Variants in SEZ6L observed in about 807,000 individuals in gnomAD.
The protein encoded by SEZ6L is seizure related 6 homolog like, also known as seizure 6-like protein.
Under a neutral mutation model 106.2 loss-of-function variants are expected in SEZ6L, and 37 were observed. That is an observed-to-expected ratio of 0.35 (90% CI 0.27 to 0.46). The LOEUF (loss-of-function observed/expected upper bound fraction) is 0.46, where lower values mean the gene tolerates loss of function less well. Among genes scored for constraint, SEZ6L ranks in the 20% least tolerant of loss-of-function variants. The pLI is 1.00. For synonymous variants in SEZ6L, 541 were observed against 570.4 expected (o/e 0.95, Z 0.73); for missense variants, 1,172 against 1,332.8 (o/e 0.88, Z 1.88).
intron 1 of SEZ6L, among the ~76,000 whole-genome samples, chr22:26,241,031 C>A (rs746460332): frequency 1.3e-5 from 2 of 152,182 alleles, no homozygotes; most frequent in Admixed American, 6.5e-5. Context: ...GAGAGACATG[C>A]AGACACTCTA....
intron 1 of SEZ6L, among the ~76,000 whole-genome samples, chr22:26,213,781 T>C (rs537131111): frequency 2.0e-5 from 3 of 152,242 alleles, no homozygotes; most frequent in African/African-American, 7.2e-5. Flanking sequence ...ATTAGCTGGG[T>C]GTAGTGCCGT....
chr22:26,209,494 G>GC (rs1287741558), intron 1 of SEZ6L, among the ~76,000 whole-genome samples: 20 of 151,690 alleles, frequency 1.3e-4, no homozygotes, highest in Admixed American at 1.1e-3. Flanking sequence ...TGGATGGATG[G>GC]ATGGATGGCA....
At chr22:26,312,535 G>T (rs1361250121) in intron 8 of SEZ6L, among the ~76,000 whole-genome samples, 1 of 147,008 alleles carries the variant, frequency 6.8e-6, no homozygotes, top group Non-Finnish European at 1.5e-5. Flanking sequence ...ACTGTGCTCT[G>T]AGCCCCACTG....
intron 1 of SEZ6L, among the ~76,000 whole-genome samples, chr22:26,275,199 T>A (rs2080504131): frequency 6.6e-6 from 1 of 152,266 alleles, no homozygotes; most frequent in African/African-American, 2.4e-5. Context: ...GACTTTTTTT[T>A]ATTTTGAATT....
At chr22:26,231,922 T>C (rs2078809422) in intron 1 of SEZ6L, among the ~76,000 whole-genome samples, 2 of 152,256 alleles carry the variant, frequency 1.3e-5, no homozygotes, top group African/African-American at 4.8e-5. Context: ...CAGTTTGTCA[T>C]CCTGTGACAT....
At chr22:26,284,335 G>A (rs950126551) in intron 1 of SEZ6L, among the ~76,000 whole-genome samples, 13 of 152,222 alleles carry the variant, frequency 8.5e-5, no homozygotes, top group African/African-American at 2.4e-4. Flanking sequence ...GGCCGGGTGC[G>A]GTGGCTCATG....
At chr22:26,273,077 T>A (rs77104351) in intron 1 of SEZ6L, among the ~76,000 whole-genome samples, 2,336 of 152,362 alleles carry the variant, frequency 0.015, 63 homozygotes, top group African/African-American at 0.046. Flanking sequence ...ATCATGTGAA[T>A]GAAGTTGTAG....
At chr22:26,325,813 G>A (rs1256347789) in intron 9 of SEZ6L, among the ~76,000 whole-genome samples, 1 of 152,066 alleles carries the variant, frequency 6.6e-6, no homozygotes, top group Non-Finnish European at 1.5e-5. Context: ...CTTGGCAAGG[G>A]CTTAGTACAT....
chr22:26,208,178 G>A (rs188652735), intron 1 of SEZ6L, among the ~76,000 whole-genome samples: 1 of 152,178 alleles, frequency 6.6e-6, no homozygotes, highest in East Asian at 1.9e-4. Context: ...GCCTCCCAAA[G>A]TGCTGGGATT....
chr22:26,244,455 GA>G, intron 1 of SEZ6L: 1 of 152,396 alleles, frequency 6.6e-6, no homozygotes, highest in Non-Finnish European at 1.5e-5. Context: ...CAAGGAGAGA[GA>G]AAGGTGCTCT....
intron 1 of SEZ6L, among the ~76,000 whole-genome samples, chr22:26,252,142 A>C (rs990450391): frequency 1.3e-5 from 2 of 152,198 alleles, no homozygotes; most frequent in African/African-American, 2.4e-5. Context: ...GTCAGAGTCT[A>C]CATTTTAACA....
chr22:26,328,220 T>A (rs1394996337), intron 9 of SEZ6L, among the ~76,000 whole-genome samples: 1 of 152,184 alleles, frequency 6.6e-6, no homozygotes, highest in Non-Finnish European at 1.5e-5. Flanking sequence ...GGTGGCAGCA[T>A]AAGTGCCCTT....
intron 9 of SEZ6L, among the ~76,000 whole-genome samples, chr22:26,324,355 A>G (rs890748011): frequency 6.6e-6 from 1 of 152,180 alleles, no homozygotes; most frequent in African/African-American, 2.4e-5. Flanking sequence ...CTAACCAGGA[A>G]ATAAAAGGGC....
rs117994988 is a variant in SEZ6L at position 26,319,503 on chromosome 22, G to A, written c.2015+5601G>A. 4.7e-3 allele frequency among the ~76,000 whole-genome samples: 723 copies of A among 152,298 alleles called. 13 individuals are homozygous for A. The East Asian group carries it at 0.059, about 12-fold the overall frequency. The stretch of plus-strand genomic sequence containing the variant: ...GCTTTATTCCTCTCTTCTCCTTTCT[G>A]TATGGTACATTTGACCATATTAGCC... On this transcript the variant is annotated intron_variant, in intron 9 of 16. Coordinates refer to ENST00000248933, the MANE Select transcript of SEZ6L (RefSeq NM_021115.5).
At chr22:26,276,858 C>T (rs533015917) in intron 1 of SEZ6L, among the ~76,000 whole-genome samples, 103 of 152,312 alleles carry the variant, frequency 6.8e-4, no homozygotes, top group Non-Finnish European at 9.8e-4. Flanking sequence ...ATGTCAGCCA[C>T]AGTTAATCAG....
chr22:26,259,869 GA>G (rs1357677485), intron 1 of SEZ6L, among the ~76,000 whole-genome samples: 1 of 152,040 alleles, frequency 6.6e-6, no homozygotes, highest in Non-Finnish European at 1.5e-5. Flanking sequence ...TGCTATTAAA[GA>G]AAAAAATTGA....
chr22:26,321,106 T>C (rs1192909214), intron 9 of SEZ6L, among the ~76,000 whole-genome samples: 2 of 152,192 alleles, frequency 1.3e-5, no homozygotes, highest in African/African-American at 4.8e-5. Flanking sequence ...TTCTTAATTG[T>C]CCATGATATT....
chr22:26,338,039 C>T lies in SEZ6L; in HGVS notation c.2016-2397C>T, dbSNP rs1392252279. Among the ~76,000 whole-genome samples, 4 of 152,218 alleles carry T rather than the reference C, an allele frequency of 2.6e-5. 1 individual carries two copies. The highest frequency in any genetic ancestry group is 2.6e-4 in the Admixed American group (4 of 15,292). ...TCCCAACTCCCGGACTAGCAGCAAACACCACTGTTGGCCATTGGATGAAGC... is the reference window on the plus strand; with the variant it reads ...TCCCAACTCCCGGACTAGCAGCAAATACCACTGTTGGCCATTGGATGAAGC... On this transcript the variant is annotated intron_variant, in intron 9 of 16. Transcript: ENST00000248933.
At position 26,186,824 on chromosome 22, in the gene SEZ6L, G is replaced by A. The variant is rs368213649; in HGVS notation, c.94+17061G>A. Among the ~76,000 whole-genome samples the A allele has an allele frequency of 1.1e-4, 16 of 152,186 alleles. 1 individual carries two copies. In the East Asian group the frequency reaches 1.2e-3, roughly 11 times the overall value. On this transcript the variant is annotated intron_variant, in intron 1 of 16. Transcript: ENST00000248933. ...TCAGTGGCCAGGCCCAGATCCTATA[G>A]GGCAGGGAGGACTTGCTGAGAGGTG...
Sources: allele counts gnomAD v4.1 joint callset (sites outside exome capture counted in the v4.1 genomes callset), GRCh38; gene constraint gnomAD v4.1.1; transcripts MANE v1.5; gene names NCBI Gene and HGNC (gene_info 2026-07-23, HGNC 2026-07-21).